Variants in WDR70 observed in about 807,000 individuals in gnomAD.
The protein encoded by WDR70 is WD repeat domain 70.
Under a neutral mutation model 88.6 loss-of-function variants are expected in WDR70, and 53 were observed. That is an observed-to-expected ratio of 0.60 (90% CI 0.48 to 0.75). The LOEUF is 0.75. Ranked by LOEUF, WDR70 falls within the 30% of genes least tolerant of loss-of-function variation. The pLI, the probability that WDR70 is intolerant of heterozygous loss-of-function variation, is 0.00. For missense variants in WDR70, 610 were observed against 823.2 expected (o/e 0.74, Z 3.17); for synonymous variants, 280 against 270.0 (o/e 1.04, Z -0.36).
intron 10 of WDR70, among the ~76,000 whole-genome samples, chr5:37,677,464 C>G (rs1372366084): frequency 2.6e-5 from 4 of 152,150 alleles, no homozygotes; most frequent in African/African-American, 9.7e-5. Flanking sequence ...CAAAGAACAT[C>G]TTTATTTCTG....
intron 9 of WDR70, among the ~76,000 whole-genome samples, chr5:37,519,657 C>T (rs1310912577): frequency 4.6e-4 from 68 of 148,336 alleles, no homozygotes; most frequent in African/African-American, 1.6e-3. Flanking sequence ...GGCGGCCGGG[C>T]GGAGGCGCTC....
intron 7 of WDR70, among the ~76,000 whole-genome samples, chr5:37,451,997 A>G (rs1324410359): frequency 3.3e-5 from 5 of 152,192 alleles, no homozygotes; most frequent in Admixed American, 2.6e-4. Context: ...CATCTCAACA[A>G]CAACAACAAC....
rs532495066 is a variant in WDR70, at chr5:37,702,543, C to T, written c.1278-406C>T. ...TAGTTTTTAAAATGGCCAAAATAAT[C>T]ATTACTTAGACATTAGTCAAATATA... On this transcript the variant is annotated intron_variant, in intron 12 of 17. Coordinates refer to ENST00000265107, the MANE Select transcript of WDR70 (RefSeq NM_018034.4). Among the ~76,000 whole-genome samples, 8 of 152,212 alleles carry T rather than the reference C, an allele frequency of 5.3e-5. No homozygotes were observed. In the South Asian group the frequency reaches 1.7e-3, roughly 32 times the overall value.
intron 8 of WDR70, among the ~76,000 whole-genome samples, chr5:37,500,186 G>A (rs1195922472): frequency 2.6e-5 from 4 of 152,182 alleles, no homozygotes; most frequent in African/African-American, 9.7e-5. Flanking sequence ...AGGATATACA[G>A]TATTTAGTTT....
chr5:37,385,726 C>T (rs1334450658), intron 3 of WDR70, among the ~76,000 whole-genome samples: 2 of 151,844 alleles, frequency 1.3e-5, no homozygotes, highest in Non-Finnish European at 2.9e-5. Context: ...TAATGAATAA[C>T]AAGAGACAGC....
intron 10 of WDR70, among the ~76,000 whole-genome samples, chr5:37,690,040 A>T (rs1023692347): frequency 6.6e-6 from 1 of 152,252 alleles, no homozygotes; most frequent in Non-Finnish European, 1.5e-5. Context: ...GCTGAAAACC[A>T]TGGCACGAGA....
At chr5:37,707,155 T>C (rs561630277) in intron 13 of WDR70, among the ~76,000 whole-genome samples, 3 of 152,338 alleles carry the variant, frequency 2.0e-5, no homozygotes, top group African/African-American at 4.8e-5. Flanking sequence ...AAATGACTAA[T>C]AGAATTTTCT....
chr5:37,674,190 C>T (rs1746123474), intron 10 of WDR70, among the ~76,000 whole-genome samples: 2 of 152,026 alleles, frequency 1.3e-5, no homozygotes, highest in South Asian at 2.1e-4. Context: ...CGAGGAATTG[C>T]CACACTGTCT....
At chr5:37,405,901 AGTGTGGTG>A (rs1238555966) in intron 5 of WDR70, among the ~76,000 whole-genome samples, 4 of 151,966 alleles carry the variant, frequency 2.6e-5, no homozygotes, top group Non-Finnish European at 5.9e-5. Context: ...AAAAAAGCCA[AGTGTGGTG>A]GTGTGCACCT....
chr5:37,705,515 G>T (rs1747296302), intron 13 of WDR70, among the ~76,000 whole-genome samples: 1 of 151,838 alleles, frequency 6.6e-6, no homozygotes, highest in Non-Finnish European at 1.5e-5. Context: ...GTGAAGGCTT[G>T]TTGTTATTGT....
At chr5:37,746,992 C>T (rs997177272) in intron 17 of WDR70, among the ~76,000 whole-genome samples, 1 of 152,118 alleles carries the variant, frequency 6.6e-6, no homozygotes, top group Non-Finnish European at 1.5e-5. Flanking sequence ...GGCCAATGTC[C>T]CTGATGAACA....
At chr5:37,461,734 C>T (rs1460034901) in intron 7 of WDR70, among the ~76,000 whole-genome samples, 1 of 139,414 alleles carries the variant, frequency 7.2e-6, no homozygotes, top group Non-Finnish European at 1.6e-5. Context: ...CTGCCTGCCT[C>T]GGCCTCCCAA....
chr5:37,585,111 C>T (rs527329668), intron 9 of WDR70, among the ~76,000 whole-genome samples: 1 of 151,646 alleles, frequency 6.6e-6, no homozygotes, highest in South Asian at 2.1e-4. Flanking sequence ...CTGCCTCAAC[C>T]TCCTAAATAG....
intron 9 of WDR70, among the ~76,000 whole-genome samples, chr5:37,518,941 C>T (rs889323630): frequency 6.6e-6 from 1 of 152,026 alleles, no homozygotes; most frequent in East Asian, 1.9e-4. Flanking sequence ...ATATCTTGCA[C>T]CACCCTTAAT....
rs16903613 is a variant in WDR70, at chr5:37,433,373, C to G, written c.493-4549C>G. 7.3e-3 allele frequency among the ~76,000 whole-genome samples: 1,118 copies of G among 152,188 alleles called. 17 individuals are homozygous for G. Among genetic ancestry groups the G allele is most frequent in the African/African-American group, 0.025 (1,053 of 41,522 alleles). ...ACCGTGCCTGGCCTAAAATCTCAGACTTTATCAAATTACTTTCTATGACTC... is the reference window on the plus strand; with the variant it reads ...ACCGTGCCTGGCCTAAAATCTCAGAGTTTATCAAATTACTTTCTATGACTC... On this transcript the variant is annotated intron_variant, in intron 5 of 17. Coordinates refer to ENST00000265107, the MANE Select transcript of WDR70 (RefSeq NM_018034.4).
intron 10 of WDR70, among the ~76,000 whole-genome samples, chr5:37,693,917 A>G (rs1746897165): frequency 6.6e-6 from 1 of 152,246 alleles, no homozygotes; most frequent in South Asian, 2.1e-4. Context: ...GTGAACAGGC[A>G]ACCTACAAAA....
chr5:37,665,556 C>A (rs1282031322), intron 10 of WDR70, among the ~76,000 whole-genome samples: 1 of 152,130 alleles, frequency 6.6e-6, no homozygotes, highest in African/African-American at 2.4e-5. Context: ...GCAAACAACC[C>A]CCAAAAGTCT....
chr5:37,729,958 G>A (rs1215956175), intron 17 of WDR70, among the ~76,000 whole-genome samples: 4 of 151,918 alleles, frequency 2.6e-5, no homozygotes, highest in East Asian at 1.9e-4. Flanking sequence ...TGTATCTTTC[G>A]GGTATTTCTT....
intron 7 of WDR70, among the ~76,000 whole-genome samples, chr5:37,471,691 C>T (rs555201855): frequency 6.6e-6 from 1 of 151,114 alleles, no homozygotes; most frequent in Non-Finnish European, 1.5e-5. Flanking sequence ...TCTTTAACCC[C>T]GTGTTGTCAA....
Sources: allele counts gnomAD v4.1 joint callset (sites outside exome capture counted in the v4.1 genomes callset), GRCh38; gene constraint gnomAD v4.1.1; transcripts MANE v1.5; gene names NCBI Gene and HGNC (gene_info 2026-07-23, HGNC 2026-07-21).